Variants in THSD7B observed in about 807,000 individuals in gnomAD.
THSD7B encodes thrombospondin type-1 domain-containing protein 7B.
THSD7B carries 138 observed loss-of-function variants against 213.6 expected under a neutral mutation model. The ratio of observed to expected loss-of-function variants is 0.65; its 90% CI spans 0.56 to 0.74. The LOEUF (loss-of-function observed/expected upper bound fraction) is 0.74, where lower values mean the gene tolerates loss of function less well. Ranked by LOEUF, THSD7B falls within the 30% of genes least tolerant of loss-of-function variation. THSD7B has a pLI of 0.00. For missense variants in THSD7B, 1,931 were observed against 1,991.5 expected (o/e 0.97, Z 0.58); for synonymous variants, 742 against 687.0 (o/e 1.08, Z -1.25).
At chr2:136,942,850 C>T (rs1382187640) in intron 2 of THSD7B, among the ~76,000 whole-genome samples, 1 of 152,176 alleles carries the variant, frequency 6.6e-6, no homozygotes, top group Non-Finnish European at 1.5e-5. Flanking sequence ...ATTTCTTTCT[C>T]CTGCCTGATT....
intron 2 of THSD7B, among the ~76,000 whole-genome samples, chr2:136,989,372 C>A (rs1049297897): frequency 6.6e-6 from 1 of 152,136 alleles, no homozygotes; most frequent in African/African-American, 2.4e-5. Context: ...AATTCTCACT[C>A]TGAGTTCATG....
chr2:137,193,452 C>G (rs1343615032), intron 7 of THSD7B, among the ~76,000 whole-genome samples: 1 of 152,150 alleles, frequency 6.6e-6, no homozygotes, highest in Non-Finnish European at 1.5e-5. Context: ...GAAATGTACT[C>G]TCTTAGCAAT....
At position 137,607,172 on chromosome 2, in the gene THSD7B, G is replaced by A. The variant is rs531175269; in HGVS notation, c.3424-9003G>A. On this transcript the variant is annotated intron_variant, in intron 17 of 27. Transcript: ENST00000409968. Reference sequence around the variant, plus strand: ...TTCATTAGTGTCTTCTAATATTGGTGTTCCAGTGCCATTTATATTTCTCTC... The same window carrying A: ...TTCATTAGTGTCTTCTAATATTGGTATTCCAGTGCCATTTATATTTCTCTC... 2.1e-5 allele frequency among the ~76,000 whole-genome samples: 3 copies of A among 145,924 alleles called. No homozygotes were observed. In the South Asian group the frequency reaches 7.1e-4, roughly 34 times the overall value.
intron 3 of THSD7B, among the ~76,000 whole-genome samples, chr2:137,060,245 G>T (rs542741444): frequency 1.3e-5 from 2 of 151,998 alleles, no homozygotes; most frequent in Non-Finnish European, 2.9e-5. Context: ...AGAGTTATTT[G>T]TATATTTTGG....
chr2:137,441,302 G>A (rs1037357505), intron 14 of THSD7B, among the ~76,000 whole-genome samples: 1 of 151,978 alleles, frequency 6.6e-6, no homozygotes, highest in Non-Finnish European at 1.5e-5. Flanking sequence ...TCAATTTTCT[G>A]AGCCTCCCCA....
chr2:137,025,137 T>C (rs915751782), intron 2 of THSD7B, among the ~76,000 whole-genome samples: 4 of 152,198 alleles, frequency 2.6e-5, no homozygotes, highest in Non-Finnish European at 5.9e-5. Flanking sequence ...AGTCTTTTCA[T>C]GAAGCTGGGA....
chr2:137,010,293 T>C (rs1438427300), intron 2 of THSD7B, among the ~76,000 whole-genome samples: 4 of 152,234 alleles, frequency 2.6e-5, no homozygotes, highest in Admixed American at 2.6e-4. Flanking sequence ...ATTTCCAAAA[T>C]AGTAACACTA....
chr2:136,816,813 A>G (rs149747046), intron 1 of THSD7B, among the ~76,000 whole-genome samples: 90 of 152,334 alleles, frequency 5.9e-4, no homozygotes, highest in African/African-American at 2.0e-3. Flanking sequence ...TCTTTTGAAT[A>G]TTATACACGA....
chr2:137,148,703 G>A (rs941866649), intron 5 of THSD7B, among the ~76,000 whole-genome samples: 2 of 152,130 alleles, frequency 1.3e-5, no homozygotes, highest in African/African-American at 4.8e-5. Context: ...GAGACTAGTG[G>A]CATTTTGTCC....
At chr2:136,935,376 T>C (rs751839616) in intron 2 of THSD7B, among the ~76,000 whole-genome samples, 22 of 152,038 alleles carry the variant, frequency 1.4e-4, no homozygotes, top group South Asian at 4.1e-4. Flanking sequence ...GGTATTGTGG[T>C]GAGGATTCAA....
intron 15 of THSD7B, among the ~76,000 whole-genome samples, chr2:137,498,662 T>C (rs1232529475): frequency 6.6e-6 from 1 of 152,050 alleles, no homozygotes; most frequent in African/African-American, 2.4e-5. Flanking sequence ...TTGGTTGTGT[T>C]GTAGTCACCC....
At chr2:137,341,022 C>T (rs1171026886) in intron 12 of THSD7B, among the ~76,000 whole-genome samples, 3 of 144,100 alleles carry the variant, frequency 2.1e-5, no homozygotes, top group African/African-American at 7.6e-5. Context: ...TTACAGTTAC[C>T]ATAATAGCTG....
chr2:137,047,740 A>T (rs945239625), intron 2 of THSD7B, among the ~76,000 whole-genome samples: 1 of 152,164 alleles, frequency 6.6e-6, no homozygotes, highest in Non-Finnish European at 1.5e-5. Flanking sequence ...GTCTGTCTCA[A>T]GATTAGCCTC....
intron 2 of THSD7B, among the ~76,000 whole-genome samples, chr2:137,026,085 T>A (rs1686549149): frequency 6.6e-6 from 1 of 152,158 alleles, no homozygotes; most frequent in Non-Finnish European, 1.5e-5. Flanking sequence ...AATTAAAAGA[T>A]GAACTATCCT....
At chr2:136,827,836 G>C (rs1467553180) in intron 1 of THSD7B, among the ~76,000 whole-genome samples, 5 of 152,012 alleles carry the variant, frequency 3.3e-5, no homozygotes, top group Non-Finnish European at 7.4e-5. Context: ...GAGAATAAAA[G>C]AAGCAACATA....
At chr2:136,813,337 A>G (rs1682414594) in intron 1 of THSD7B, among the ~76,000 whole-genome samples, 1 of 152,020 alleles carries the variant, frequency 6.6e-6, no homozygotes, top group Non-Finnish European at 1.5e-5. Flanking sequence ...CTGTGCGTTT[A>G]AACCCTTCGG....
intron 7 of THSD7B, among the ~76,000 whole-genome samples, chr2:137,175,618 A>G (rs1680344157): frequency 6.6e-6 from 1 of 152,186 alleles, no homozygotes; most frequent in Admixed American, 6.6e-5. Context: ...CTTTGCCTTA[A>G]ATCATTAACT....
chr2:136,949,556 C>G (rs1195111258), intron 2 of THSD7B, among the ~76,000 whole-genome samples: 2 of 152,214 alleles, frequency 1.3e-5, no homozygotes, highest in Non-Finnish European at 2.9e-5. Flanking sequence ...TGCTGCGCTG[C>G]CCTGTAATGC....
At chr2:137,420,963 C>T (rs1686911036) in intron 14 of THSD7B, among the ~76,000 whole-genome samples, 1 of 152,158 alleles carries the variant, frequency 6.6e-6, no homozygotes, top group Non-Finnish European at 1.5e-5. Context: ...TGGCTCATGG[C>T]CTCTTCCTGT....
Sources: allele counts gnomAD v4.1 joint callset (sites outside exome capture counted in the v4.1 genomes callset), GRCh38; gene constraint gnomAD v4.1.1; transcripts MANE v1.5; gene names NCBI Gene and HGNC (gene_info 2026-07-23, HGNC 2026-07-21).